The following VAT1L variants were observed in gnomAD, a reference collection of about 807,000 sequenced individuals.
VAT1L encodes the protein putative NADPH-dependent quinone oxidoreductase VAT1L.
In VAT1L, 34 loss-of-function variants were observed where a neutral mutation model predicts 44.1. The ratio of observed to expected loss-of-function variants is 0.77; its 90% CI spans 0.59 to 1.03. The LOEUF (loss-of-function observed/expected upper bound fraction) is 1.03, where lower values mean the gene tolerates loss of function less well. Ranked by LOEUF, VAT1L falls within the 50% of genes least tolerant of loss-of-function variation. VAT1L has a pLI of 0.00. For synonymous variants in VAT1L, 253 were observed against 202.2 expected (o/e 1.25, Z -2.13); for missense variants, 615 against 538.8 (o/e 1.14, Z -1.40).
At chr16:77,801,982 C>A (rs563871758) in intron 1 of VAT1L, among the ~76,000 whole-genome samples, 1 of 152,258 alleles carries the variant, frequency 6.6e-6, no homozygotes, top group South Asian at 2.1e-4. Context: ...ATGCGCCCAC[C>A]TTCCTGAAAC....
At chr16:77,869,298 A>G (rs1437089996) in intron 4 of VAT1L, among the ~76,000 whole-genome samples, 1 of 152,214 alleles carries the variant, frequency 6.6e-6, no homozygotes, top group Non-Finnish European at 1.5e-5. Flanking sequence ...TTTAGACAAG[A>G]TAAATACAGT....
At chr16:77,827,013 G>T (rs8062165) in intron 3 of VAT1L, among the ~76,000 whole-genome samples, 108,702 of 152,040 alleles carry the variant, frequency 0.71, 39,680 homozygotes, top group East Asian at 0.95. Context: ...TCCGTTGTTT[G>T]TATCTAAGAA....
chr16:77,896,489 A>G (rs190533102), intron 7 of VAT1L, among the ~76,000 whole-genome samples: 81 of 152,110 alleles, frequency 5.3e-4, no homozygotes, highest in African/African-American at 1.7e-3. Context: ...TACTTAGCTT[A>G]ATGACTGACA....
intron 3 of VAT1L, among the ~76,000 whole-genome samples, chr16:77,841,407 G>C (rs2434853): frequency 0.81 from 123,003 of 152,232 alleles, 50,153 homozygotes; most frequent in African/African-American, 0.88. Flanking sequence ...TATGAGCATT[G>C]AGAAATGTTC....
chr16:77,854,911 G>A (rs1030288323), intron 3 of VAT1L, among the ~76,000 whole-genome samples: 1 of 152,032 alleles, frequency 6.6e-6, no homozygotes, highest in African/African-American at 2.4e-5. Context: ...CTTGGTACAG[G>A]GACTCAACCT....
chr16:77,906,110 T>C (rs886202541), intron 7 of VAT1L, among the ~76,000 whole-genome samples: 25 of 152,302 alleles, frequency 1.6e-4, no homozygotes, highest in African/African-American at 5.3e-4. Flanking sequence ...GCTTAAAAGT[T>C]CTTTAAAGTA....
At chr16:77,966,877 T>C (rs1392456765) in intron 7 of VAT1L, among the ~76,000 whole-genome samples, 1 of 147,416 alleles carries the variant, frequency 6.8e-6, no homozygotes, top group Non-Finnish European at 1.5e-5. Context: ...AATGCAGGTC[T>C]ACTAGACAGT....
intron 1 of VAT1L, among the ~76,000 whole-genome samples, chr16:77,795,068 C>G (rs934219164): frequency 6.6e-6 from 1 of 152,146 alleles, no homozygotes; most frequent in Non-Finnish European, 1.5e-5. Flanking sequence ...TTTGAACCCA[C>G]TGTTTATACT....
At chr16:77,900,780 A>G (rs1252338421) in intron 7 of VAT1L, among the ~76,000 whole-genome samples, 3 of 151,842 alleles carry the variant, frequency 2.0e-5, no homozygotes, top group Non-Finnish European at 4.4e-5. Flanking sequence ...TTATTGTCAG[A>G]CTGTACCCCA....
intron 7 of VAT1L, among the ~76,000 whole-genome samples, chr16:77,926,629 T>C (rs2017672588): frequency 6.6e-6 from 1 of 152,060 alleles, no homozygotes; most frequent in African/African-American, 2.4e-5. Flanking sequence ...CGGTGGTTGA[T>C]TAAGGACATG....
chr16:77,935,041 C>T (rs975033376), intron 7 of VAT1L, among the ~76,000 whole-genome samples: 7 of 152,066 alleles, frequency 4.6e-5, no homozygotes, highest in African/African-American at 1.7e-4. Flanking sequence ...CCTCTGGTAC[C>T]ACGGAATGTT....
At chr16:77,915,501 T>G (rs1304520577) in intron 7 of VAT1L, among the ~76,000 whole-genome samples, 9 of 152,186 alleles carry the variant, frequency 5.9e-5, no homozygotes, top group Non-Finnish European at 2.9e-5. Context: ...CATTGTTTAG[T>G]GTAGGGAAAT....
At chr16:77,897,461 A>G (rs576127755) in intron 7 of VAT1L, among the ~76,000 whole-genome samples, 5 of 152,150 alleles carry the variant, frequency 3.3e-5, no homozygotes, top group African/African-American at 1.2e-4. Flanking sequence ...GGTCCAAAAA[A>G]CTGGTTTTGT....
rs748221701 is a variant in VAT1L, at chr16:77,879,149, T to G, written c.827-20T>G. Reference sequence around the variant, plus strand: ...CATTTTCATTAGCAATTGCTTAATGTGGGAATCTTTCATTTTCAGGCTCAT... The same window carrying G: ...CATTTTCATTAGCAATTGCTTAATGGGGGAATCTTTCATTTTCAGGCTCAT... On this transcript the variant is annotated intron_variant, in intron 5 of 8. Transcript: ENST00000302536. The surrounding 1 kb of genome is among the most constrained non-coding windows in gnomAD (Gnocchi z 4.1). 6.2e-7 allele frequency: 1 copy of G among 1,613,712 alleles called. No individual in the cohort carries two copies. The highest frequency in any genetic ancestry group is 8.5e-7 in the Non-Finnish European group (1 of 1,179,798).
At chr16:77,868,943 G>A (rs1007797246) in intron 4 of VAT1L, among the ~76,000 whole-genome samples, 6 of 152,236 alleles carry the variant, frequency 3.9e-5, no homozygotes, top group Admixed American at 6.5e-5. Flanking sequence ...GGAGAACAGG[G>A]CTAGATTGAT....
At chr16:77,900,680 G>A (rs867899102) in intron 7 of VAT1L, among the ~76,000 whole-genome samples, 9 of 145,966 alleles carry the variant, frequency 6.2e-5, no homozygotes, top group Admixed American at 1.4e-4. Flanking sequence ...CAGCAGCAGA[G>A]TGAGACTGTG....
At chr16:77,951,527 T>C (rs1399512965) in intron 7 of VAT1L, among the ~76,000 whole-genome samples, 1 of 151,752 alleles carries the variant, frequency 6.6e-6, no homozygotes, top group African/African-American at 2.4e-5. Context: ...GCCAGGGCAA[T>C]GGAGTGAGAC....
chr16:77,975,710 C>T lies in VAT1L; in HGVS notation c.1162-1887C>T, dbSNP rs956171433. On this transcript the variant is annotated intron_variant, in intron 8 of 8. Coordinates refer to ENST00000302536, the MANE Select transcript of VAT1L (RefSeq NM_020927.3). ...TGGAGTCTCTCCTGCTGAAAGCCTC[C>T]TCTTAATGAGGCTGGACCAAAGCAA... Among the ~76,000 whole-genome samples the T allele has an allele frequency of 3.3e-5, 5 of 152,356 alleles. No homozygotes were observed. The East Asian group carries it at 9.7e-4, about 29-fold the overall frequency.
intron 1 of VAT1L, among the ~76,000 whole-genome samples, chr16:77,794,284 C>T (rs1236001878): frequency 1.3e-5 from 2 of 152,170 alleles, no homozygotes; most frequent in African/African-American, 2.4e-5. Flanking sequence ...CAGTACTATC[C>T]TGCCTCCCAC....
Sources: gnomAD v4.1 joint callset for allele counts (sites outside exome capture counted in the v4.1 genomes callset) on GRCh38, gnomAD v4.1.1 for gene constraint, Gnocchi (gnomAD v3.1) non-coding constraint, MANE v1.5 for transcripts, NCBI Gene and HGNC (gene_info 2026-07-23, HGNC 2026-07-21) for gene names.